The following SLC2A5 variants were observed in gnomAD, a reference collection of about 807,000 sequenced individuals.
SLC2A5 encodes solute carrier family 2 member 5.
A neutral mutation model predicts 50.3 loss-of-function variants in SLC2A5; 56 were observed. The ratio of observed to expected loss-of-function variants is 1.11; its 90% confidence interval spans 0.90 to 1.39. SLC2A5 has a LOEUF of 1.39. SLC2A5 is among the 40% of genes most tolerant of loss of function. The probability of loss-of-function intolerance (pLI) is 0.00; values close to 1 mark genes in which losing one functional copy is unlikely to be tolerated. For missense variants in SLC2A5, 566 were observed against 650.1 expected (o/e 0.87, Z 1.41); for synonymous variants, 269 against 281.9 (o/e 0.95, Z 0.46).
upstream of SLC2A5, among the ~76,000 whole-genome samples, chr1:9,091,511 T>A (rs1287077781): frequency 2.0e-5 from 3 of 152,176 alleles, no homozygotes; most frequent in Non-Finnish European, 4.4e-5. Flanking sequence ...GTCTACAAGA[T>A]ATGGTCAGCC....
At chr1:9,083,647 A>AC (rs1424117178) in intron 2 of SLC2A5, among the ~76,000 whole-genome samples, 1 of 151,564 alleles carries the variant, frequency 6.6e-6, no homozygotes, top group Non-Finnish European at 1.5e-5. Flanking sequence ...AAATGGTGAA[A>AC]CCCCATCTCT....
intron 1 of SLC2A5, among the ~76,000 whole-genome samples, chr1:9,064,029 T>C (rs1642020302): frequency 6.6e-6 from 1 of 151,844 alleles, no homozygotes; most frequent in Non-Finnish European, 1.5e-5. Context: ...GGTCTTGCTA[T>C]GTTGCCCAAG....
chr1:9,050,306 T>TCAAAAA (rs1286493035), intron 3 of SLC2A5, among the ~76,000 whole-genome samples: 1 of 151,472 alleles, frequency 6.6e-6, no homozygotes, highest in Non-Finnish European at 1.5e-5. Flanking sequence ...ATTCAAAAAT[T>TCAAAAA]TGCTGGGCAC....
chr1:9,039,779 G>T, intron 7 of SLC2A5, 21 bp downstream of exon 7: 1 of 1,423,614 alleles, frequency 7.0e-7, no homozygotes. Flanking sequence ...CCCAGCTCCC[G>T]AGCCGCAGCC....
intron 2 of SLC2A5, among the ~76,000 whole-genome samples, chr1:9,076,805 T>C (rs1268260822): frequency 6.6e-6 from 1 of 151,894 alleles, no homozygotes; most frequent in East Asian, 1.9e-4. Context: ...GTTTTTTTTT[T>C]TGAGATGCAG....
In SLC2A5 at chr1:9,038,418, T is replaced by C. The variant is rs1641193928; in HGVS notation, c.1174+13A>G. On this transcript the variant is annotated intron_variant, in intron 10 of 11. Coordinates refer to ENST00000377424, the MANE Select transcript of SLC2A5 (RefSeq NM_003039.3). ...GGGGTTGTGACACCCTGAGGCCAGC[T>C]TTGGGTACGTACTGGGCCCGAGGGC... 1 of 1,606,830 alleles carries C rather than the reference T, an allele frequency of 6.2e-7. No homozygotes were observed. Among genetic ancestry groups the C allele is most frequent in the Non-Finnish European group, 8.5e-7 (1 of 1,173,826 alleles).
chr1:9,065,530 A>G (rs188746336), intron 1 of SLC2A5, among the ~76,000 whole-genome samples: 19 of 152,296 alleles, frequency 1.2e-4, no homozygotes, highest in Admixed American at 1.0e-3. Flanking sequence ...ACACTGTTGA[A>G]CTCAGTTTCA....
chr1:9,064,337 C>T (rs116156364), intron 1 of SLC2A5, among the ~76,000 whole-genome samples: 16 of 152,022 alleles, frequency 1.1e-4, no homozygotes, highest in East Asian at 1.9e-4. Flanking sequence ...AGAGGATGTG[C>T]GGGTCTCTGG....
At position 9,039,568 on chromosome 1, in the gene SLC2A5, A is replaced by G. The variant is rs1029978130; in HGVS notation, c.980T>C (p.Val327Ala). The change falls in exon 8 of 12, where the codon GTC (valine) becomes GCC (alanine). Residue 327 changes from valine (V) to alanine (A), a missense_variant. By Grantham distance (64) the Val-to-Ala change is moderately conservative (BLOSUM62 0). Transcript: ENST00000377424. ...GACACTCACGGCGCAGAAGGTCATG[A>G]CCACGTTCACGGCCCCGGTGCCGGC... The part of the protein sequence containing the change: ...VTAGTGAVNV[V>A]MTFCAVFVVE... 2 of 1,573,760 alleles carry G rather than the reference A, an allele frequency of 1.3e-6. No homozygotes were observed. The highest frequency in any genetic ancestry group is 1.7e-6 in the Non-Finnish European group (2 of 1,160,806).
At chr1:9,060,241 C>T (rs1641892962) in intron 1 of SLC2A5, among the ~76,000 whole-genome samples, 1 of 145,566 alleles carries the variant, frequency 6.9e-6, no homozygotes, top group African/African-American at 2.6e-5. Flanking sequence ...ACACACACCC[C>T]CCATGTACAC....
chr1:9,069,579 C>T lies in SLC2A5; in HGVS notation c.-43G>A, dbSNP rs1557681815. 1.5e-5 allele frequency: 24 copies of T among 1,611,050 alleles called. No homozygotes were observed. The highest frequency in any genetic ancestry group is 2.0e-5 in the Non-Finnish European group (23 of 1,177,704). ...AGAGTGCCGCTCACCTCCTTTTAGC[C>T]AAAGTAACGCGTGCACTGAATGGAG... On this transcript the variant is annotated 5_prime_UTR_variant, in exon 1 of 12. Coordinates refer to ENST00000377424, the MANE Select transcript of SLC2A5 (RefSeq NM_003039.3).
At chr1:9,087,995 T>A (rs1179695097) in intron 1 of SLC2A5, among the ~76,000 whole-genome samples, 1 of 152,128 alleles carries the variant, frequency 6.6e-6, no homozygotes, top group Non-Finnish European at 1.5e-5. Flanking sequence ...GCAAATGAGA[T>A]AATGACAGTT....
chr1:9,045,412 A>G (rs1055590713), intron 4 of SLC2A5, among the ~76,000 whole-genome samples: 2 of 152,198 alleles, frequency 1.3e-5, no homozygotes, highest in African/African-American at 4.8e-5. Context: ...TTTAGAGTAA[A>G]GGCTGGGATT....
chr1:9,081,861 C>T (rs540730334), intron 2 of SLC2A5, among the ~76,000 whole-genome samples: 40 of 152,196 alleles, frequency 2.6e-4, no homozygotes, highest in African/African-American at 9.1e-4. Flanking sequence ...GTGGGTGGAT[C>T]GTTTTAGCCC....
At chr1:9,049,487 G>A (rs1006224123) in intron 3 of SLC2A5, among the ~76,000 whole-genome samples, 1 of 151,912 alleles carries the variant, frequency 6.6e-6, no homozygotes, top group African/African-American at 2.4e-5. Context: ...ACTTTGAGAG[G>A]CCAAGGCGGG....
At chr1:9,056,173 G>A (rs1641744889) in intron 3 of SLC2A5, among the ~76,000 whole-genome samples, 1 of 152,090 alleles carries the variant, frequency 6.6e-6, no homozygotes, top group Non-Finnish European at 1.5e-5. Flanking sequence ...TCCCAAAGCT[G>A]CAGCGGTGTT....
At chr1:9,068,483 C>T in intron 1 of SLC2A5, among the ~76,000 whole-genome samples, 1 of 142,458 alleles carries the variant, frequency 7.0e-6, no homozygotes, top group African/African-American at 2.6e-5. Flanking sequence ...TGAAGTTTCG[C>T]TCTTGTTGAC....
At chr1:9,044,316 G>A (rs1641385480) in intron 4 of SLC2A5, among the ~76,000 whole-genome samples, 1 of 151,786 alleles carries the variant, frequency 6.6e-6, no homozygotes, top group African/African-American at 2.4e-5. Flanking sequence ...GGGCAACTAA[G>A]CAAGAGTCCA....
intron 4 of SLC2A5, among the ~76,000 whole-genome samples, chr1:9,046,733 T>C (rs1641445601): frequency 6.6e-6 from 1 of 151,908 alleles, no homozygotes; most frequent in Admixed American, 6.6e-5. Flanking sequence ...TACTTATCTT[T>C]ACTACACGTA....
Sources: allele counts gnomAD v4.1 joint callset (sites outside exome capture counted in the v4.1 genomes callset), GRCh38; gene constraint gnomAD v4.1.1; transcripts MANE v1.5; gene names NCBI Gene and HGNC (gene_info 2026-07-23, HGNC 2026-07-21).